The following ACSL3 variants were observed in gnomAD, a reference collection of about 807,000 sequenced individuals.
ACSL3 encodes fatty acid CoA ligase Acsl3.
ACSL3 carries 34 observed loss-of-function variants against 84.7 expected under a neutral mutation model. The observed-to-expected ratio is 0.40, with a 90% CI of 0.31 to 0.53. The LOEUF (loss-of-function observed/expected upper bound fraction) is 0.53, where lower values mean the gene tolerates loss of function less well. Among genes scored for constraint, ACSL3 ranks in the 20% least tolerant of loss-of-function variants. The probability of loss-of-function intolerance (pLI) is 0.48; values close to 1 mark genes in which losing one functional copy is unlikely to be tolerated. For synonymous variants in ACSL3, 315 were observed against 299.4 expected (o/e 1.05, Z -0.54); for missense variants, 680 against 873.1 (o/e 0.78, Z 2.79).
chr2:222,898,214 T>C (rs1305218429), intron 2 of ACSL3, among the ~76,000 whole-genome samples: 2 of 152,234 alleles, frequency 1.3e-5, no homozygotes, highest in African/African-American at 4.8e-5. Flanking sequence ...TTGTATATTT[T>C]GTCAGCATTT....
At chr2:222,871,229 C>G (rs1559275634) in intron 1 of ACSL3, among the ~76,000 whole-genome samples, 2 of 141,866 alleles carry the variant, frequency 1.4e-5, no homozygotes, top group East Asian at 3.9e-4. Context: ...AGTCAGCTTT[C>G]CATTTGAGTT....
intron 1 of ACSL3, among the ~76,000 whole-genome samples, chr2:222,861,990 G>A (rs756570137): frequency 6.6e-6 from 1 of 152,130 alleles, no homozygotes. Context: ...AATGGTTTTC[G>A]CAGGAAGTCT....
At position 222,943,124 on chromosome 2, in the gene ACSL3, T is replaced by C. The variant is rs1469348118; in HGVS notation, c.*1470T>C. 4.6e-6 allele frequency: 1 copy of C among 217,120 alleles called. No homozygotes were observed. Among genetic ancestry groups the C allele is most frequent in the Non-Finnish European group, 9.1e-6 (1 of 109,446 alleles). 13.4% of individuals were successfully genotyped at this position (217,120 alleles called of 1,614,324 possible). A position where few individuals can be genotyped will look rare whatever the true frequency, so the allele number is the denominator to read the frequency against. Reference sequence around the variant, plus strand: ...ACAAAAACAAAAAAAAAGATGAACCTAGGTCTGTGTAAAGTAAGGGGAGTG... The same window carrying C: ...ACAAAAACAAAAAAAAAGATGAACCCAGGTCTGTGTAAAGTAAGGGGAGTG... On this transcript the variant is annotated 3_prime_UTR_variant, in exon 17 of 17. Coordinates refer to ENST00000357430, the MANE Select transcript of ACSL3 (RefSeq NM_004457.5).
In ACSL3 at chr2:222,918,080, C is replaced by T; in HGVS notation, c.591C>T (p.Ala197=). ...TATATGCCACTCTAGGAGGTCCAGCCATTGTTCATGCATTAAATGAAACAG... is the reference window on the plus strand; with the variant it reads ...TATATGCCACTCTAGGAGGTCCAGCTATTGTTCATGCATTAAATGAAACAG... The part of the protein sequence containing the change: ...VTLYATLGGP[A]IVHALNETEV... Residue 197 remains alanine (A), a synonymous_variant, in exon 6 of 17, where the codon GCC becomes GCT. Coordinates refer to ENST00000357430, the MANE Select transcript of ACSL3 (RefSeq NM_004457.5). The T allele has an allele frequency of 6.2e-7, 1 of 1,612,182 alleles. No homozygotes were observed. The highest frequency in any genetic ancestry group is 1.1e-5 in the South Asian group (1 of 90,868).
At chr2:222,924,064 G>A (rs1696811458) in intron 10 of ACSL3, among the ~76,000 whole-genome samples, 1 of 152,162 alleles carries the variant, frequency 6.6e-6, no homozygotes, top group Non-Finnish European at 1.5e-5. Flanking sequence ...ATAAGATAAA[G>A]TTAGGACATT....
chr2:222,917,977 C>A, intron 5 of ACSL3, 69 bp from the exon 6 acceptor site: 1 of 1,130,760 alleles, frequency 8.8e-7, no homozygotes, highest in South Asian at 1.3e-5. Context: ...GATTCATCTC[C>A]ACATTCAGAG....
intron 10 of ACSL3, 40 bp downstream of exon 10, chr2:222,923,189 G>T: frequency 1.3e-6 from 2 of 1,498,198 alleles, no homozygotes; most frequent in Middle Eastern, 1.7e-4. Context: ...TATTAAAGAA[G>T]TATCACCCGC....
chr2:222,928,438 GA>G (rs1696938594), intron 12 of ACSL3, among the ~76,000 whole-genome samples: 1 of 152,110 alleles, frequency 6.6e-6, no homozygotes, highest in African/African-American at 2.4e-5. Flanking sequence ...TCAAACTCAA[GA>G]ACCAGGCAGC....
intron 6 of ACSL3, among the ~76,000 whole-genome samples, chr2:222,918,387 G>C (rs1696642049): frequency 6.6e-6 from 1 of 151,842 alleles, no homozygotes; most frequent in Non-Finnish European, 1.5e-5. Flanking sequence ...TTAAATTGAA[G>C]AAATTACGAC....
chr2:222,913,375 T>C (rs1260010942), intron 4 of ACSL3, among the ~76,000 whole-genome samples: 1 of 152,240 alleles, frequency 6.6e-6, no homozygotes, highest in African/African-American at 2.4e-5. Flanking sequence ...TCATGCTATA[T>C]GTAACAAATT....
intron 1 of ACSL3, among the ~76,000 whole-genome samples, chr2:222,866,307 G>A (rs778669731): frequency 6.6e-6 from 1 of 151,942 alleles, no homozygotes; most frequent in African/African-American, 2.4e-5. Flanking sequence ...CACCATGCCC[G>A]GCTAATTTTT....
At chr2:222,898,555 G>A (rs1202038629) in intron 2 of ACSL3, among the ~76,000 whole-genome samples, 1 of 152,170 alleles carries the variant, frequency 6.6e-6, no homozygotes, top group East Asian at 1.9e-4. Flanking sequence ...ATTGGTCCAT[G>A]GGCCACATTT....
At chr2:222,876,934 A>G (rs1302427584) in intron 1 of ACSL3, among the ~76,000 whole-genome samples, 5 of 152,166 alleles carry the variant, frequency 3.3e-5, no homozygotes, top group Admixed American at 6.5e-5. Flanking sequence ...TGGAGGTAAA[A>G]ATAGATGGAG....
chr2:222,904,549 T>A (rs541445068), intron 3 of ACSL3: 1 of 152,666 alleles, frequency 6.6e-6, no homozygotes, highest in South Asian at 2.1e-4. Context: ...GTCATATCTG[T>A]TAAGGCTCTT....
At chr2:222,925,098 AGGCCAAGGCGGGCAG>A (rs1696845194) in intron 11 of ACSL3, among the ~76,000 whole-genome samples, 3 of 151,806 alleles carry the variant, frequency 2.0e-5, no homozygotes, top group African/African-American at 7.3e-5. Flanking sequence ...GTGCTTTGGG[AGGCCAAGGCGGGCAG>A]ATCACCTGAG....
chr2:222,870,466 A>G (rs1025257593), intron 1 of ACSL3, among the ~76,000 whole-genome samples: 1 of 152,228 alleles, frequency 6.6e-6, no homozygotes, highest in Non-Finnish European at 1.5e-5. Context: ...ATTGAGATGT[A>G]CAATTGTTTA....
At chr2:222,875,242 G>C (rs1695415093) in intron 1 of ACSL3, among the ~76,000 whole-genome samples, 1 of 151,534 alleles carries the variant, frequency 6.6e-6, no homozygotes, top group African/African-American at 2.4e-5. Context: ...GTCTCTCAAA[G>C]TTTTTATCAC....
At chr2:222,933,454 T>G (rs1343373171) in intron 15 of ACSL3, 174 bp downstream of exon 15, 2 of 514,898 alleles carry the variant, frequency 3.9e-6, no homozygotes, top group East Asian at 6.4e-5. Context: ...CTTGTAAGGC[T>G]TCCCCTGATC....
chr2:222,908,235 T>C (rs1696347537), intron 3 of ACSL3, among the ~76,000 whole-genome samples: 1 of 152,174 alleles, frequency 6.6e-6, no homozygotes, highest in South Asian at 2.1e-4. Context: ...TTGTGGAAAA[T>C]GAATTTTTTG....
Sources: gnomAD v4.1 joint callset for allele counts (sites outside exome capture counted in the v4.1 genomes callset) on GRCh38, gnomAD v4.1.1 for gene constraint, MANE v1.5 for transcripts, NCBI Gene and HGNC (gene_info 2026-07-23, HGNC 2026-07-21) for gene names.